The following CAST variants were observed in gnomAD, a reference collection of about 807,000 sequenced individuals.
CAST encodes calpastatin.
A neutral mutation model predicts 119.6 loss-of-function variants in CAST; 76 were observed. The observed-to-expected ratio is 0.64, with a 90% CI of 0.53 to 0.77. The LOEUF (loss-of-function observed/expected upper bound fraction) is 0.77. CAST is among the 30% of genes least tolerant of loss of function. CAST has a pLI of 0.00. For missense variants in CAST, 953 were observed against 946.5 expected (o/e 1.01, Z -0.09); for synonymous variants, 319 against 331.6 (o/e 0.96, Z 0.41).
In CAST at chr5:96,671,113, C is replaced by G. The variant is rs1053937224; in HGVS notation, c.76-4426C>G. ...GTGAAAACAGTTTGGAAAATTATTCCTTCTTGAGTTAAGATAGCAAAGCCC... is the reference window on the plus strand; with the variant it reads ...GTGAAAACAGTTTGGAAAATTATTCGTTCTTGAGTTAAGATAGCAAAGCCC... On this transcript the variant is annotated intron_variant, in intron 1 of 31. Coordinates refer to ENST00000675179, the MANE Select transcript of CAST (RefSeq NM_001750.7). Among the ~76,000 whole-genome samples the G allele has an allele frequency of 3.3e-5, 5 of 152,246 alleles. No individual in the cohort carries two copies. The South Asian group carries it at 1.0e-3, about 32-fold the overall frequency.
At chr5:95,992,923 T>G in the CAST span, among the ~76,000 whole-genome samples, 1 of 151,920 alleles carries the variant, frequency 6.6e-6, no homozygotes, top group African/African-American at 2.4e-5. Flanking sequence ...CAAAACAATT[T>G]TGAAAAAAAA....
At chr5:96,370,889 A>G in the CAST span, among the ~76,000 whole-genome samples, 1 of 152,256 alleles carries the variant, frequency 6.6e-6, no homozygotes, top group Admixed American at 6.5e-5. Flanking sequence ...TGTTTATGAT[A>G]TAACTCAAAT....
At chr5:96,610,655 A>G (rs1011460541) in intron 1 of CAST, among the ~76,000 whole-genome samples, 1 of 152,186 alleles carries the variant, frequency 6.6e-6, no homozygotes, top group Non-Finnish European at 1.5e-5. Flanking sequence ...CACAGTACTA[A>G]AAGTCCTAGC....
chr5:96,763,654 A>T (rs1404889006), intron 25 of CAST, among the ~76,000 whole-genome samples: 1 of 152,228 alleles, frequency 6.6e-6, no homozygotes, highest in Non-Finnish European at 1.5e-5. Flanking sequence ...ATAAAGCTTT[A>T]TTTAGATAAA....
the CAST span, among the ~76,000 whole-genome samples, chr5:96,480,162 AGGAC>A: frequency 6.6e-6 from 1 of 152,240 alleles, no homozygotes. Flanking sequence ...TTCTATCTGT[AGGAC>A]GGAGCATAAC....
intron 1 of CAST, among the ~76,000 whole-genome samples, chr5:96,570,317 A>C (rs971334983): frequency 1.3e-5 from 2 of 152,224 alleles, no homozygotes; most frequent in Admixed American, 6.5e-5. Context: ...CAACCATGTC[A>C]GCTGGTGAAG....
chr5:96,550,766 G>C (rs1250946063), intron 1 of CAST, among the ~76,000 whole-genome samples: 1 of 152,118 alleles, frequency 6.6e-6, no homozygotes, highest in Non-Finnish European at 1.5e-5. Context: ...ACTTCATAAA[G>C]CATACACAAG....
intron 1 of CAST, among the ~76,000 whole-genome samples, chr5:96,643,743 C>T (rs1249053479): frequency 1.2e-4 from 19 of 152,040 alleles, no homozygotes; most frequent in African/African-American, 2.9e-4. Flanking sequence ...TGTGGTGGCG[C>T]GCACCTGTAA....
the CAST span, chr5:96,433,153 T>G: frequency 9.9e-7 from 1 of 1,011,638 alleles, no homozygotes. Context: ...AGACCACTCC[T>G]GGCTCCTGGT....
the CAST span, among the ~76,000 whole-genome samples, chr5:96,123,035 C>T: frequency 6.6e-6 from 1 of 152,056 alleles, no homozygotes; most frequent in East Asian, 1.9e-4. Flanking sequence ...GCATTCTATA[C>T]ATGCTTAATG....
the CAST span, among the ~76,000 whole-genome samples, chr5:96,368,630 C>A: frequency 6.6e-6 from 1 of 152,050 alleles, no homozygotes; most frequent in Non-Finnish European, 1.5e-5. Flanking sequence ...GATCTCTCAG[C>A]CTGCTGCAGA....
upstream of CAST, among the ~76,000 whole-genome samples, chr5:96,524,956 C>T (rs368291698): frequency 3.3e-5 from 5 of 152,192 alleles, no homozygotes; most frequent in Non-Finnish European, 5.9e-5. Flanking sequence ...GGCTCCAAGA[C>T]GGAAGTGGGA....
chr5:96,694,062 T>C (rs73774393), intron 2 of CAST, among the ~76,000 whole-genome samples: 1 of 152,084 alleles, frequency 6.6e-6, no homozygotes, highest in East Asian at 1.9e-4. Flanking sequence ...TAAGGCAAAA[T>C]TTACCCTGAA....
chr5:96,225,572 A>G, the CAST span, among the ~76,000 whole-genome samples: 1 of 152,108 alleles, frequency 6.6e-6, no homozygotes, highest in Non-Finnish European at 1.5e-5. Flanking sequence ...AAAATTATAG[A>G]TATGTTGGAA....
chr5:96,049,889 C>CAAAAAAAAAAAAAAAAAAAAAAAAAAGA, the CAST span, among the ~76,000 whole-genome samples: 1 of 34,188 alleles, frequency 2.9e-5, no homozygotes, highest in Non-Finnish European at 5.2e-5. Flanking sequence ...GAACAGGAGG[C>CAAAAAAAAAAAAAAAAAAAAAAAAAAGA]AAAAAAAAAA....
At chr5:96,430,388 G>A in the CAST span, among the ~76,000 whole-genome samples, 6 of 152,184 alleles carry the variant, frequency 3.9e-5, no homozygotes, top group East Asian at 1.9e-4. Flanking sequence ...GATTCTCATC[G>A]CCCAGAGAAT....
intron 1 of CAST, among the ~76,000 whole-genome samples, chr5:96,582,076 T>C (rs1023461100): frequency 5.3e-5 from 8 of 152,176 alleles, no homozygotes; most frequent in Non-Finnish European, 7.3e-5. Context: ...AAATACTGTT[T>C]GGGAAATTCT....
chr5:96,704,184 A>G (rs1192158132), intron 3 of CAST, among the ~76,000 whole-genome samples: 1 of 152,230 alleles, frequency 6.6e-6, no homozygotes, highest in African/African-American at 2.4e-5. Context: ...CATGCTTTGT[A>G]GACTGTGAAA....
the CAST span, among the ~76,000 whole-genome samples, chr5:96,328,002 T>C: frequency 6.6e-6 from 1 of 152,220 alleles, no homozygotes; most frequent in Non-Finnish European, 1.5e-5. Flanking sequence ...ATGCCCCTAA[T>C]GAGCCCAGAT....
Sources: allele counts gnomAD v4.1 joint callset (sites outside exome capture counted in the v4.1 genomes callset), GRCh38; gene constraint gnomAD v4.1.1; transcripts MANE v1.5; gene names NCBI Gene and HGNC (gene_info 2026-07-23, HGNC 2026-07-21).